VPS37B: variants seen among roughly 807,000 people sequenced by gnomAD.
The protein encoded by VPS37B is vacuolar protein sorting-associated protein 37B.
In VPS37B, 11 loss-of-function variants were observed where a neutral mutation model predicts 21.2. That is an observed-to-expected ratio of 0.52 (90% CI 0.33 to 0.86). VPS37B has a LOEUF of 0.86. Ranked by LOEUF, VPS37B falls within the 40% of genes least tolerant of loss-of-function variation. The pLI, the probability that VPS37B is intolerant of heterozygous loss-of-function variation, is 0.03. For synonymous variants in VPS37B, 175 were observed against 159.6 expected (o/e 1.10, Z -0.73); for missense variants, 389 against 374.8 (o/e 1.04, Z -0.31).
At chr12:122,871,288 G>A (rs889936091) in intron 1 of VPS37B, 14 of 1,311,128 alleles carry the variant, frequency 1.1e-5, no homozygotes, top group African/African-American at 4.5e-5. Context: ...CTTCCAGCAC[G>A]TTTCCAGGAC....
intron 1 of VPS37B, chr12:122,874,210 A>G (rs2034100217): frequency 1.3e-5 from 2 of 152,244 alleles, no homozygotes; most frequent in African/African-American, 2.4e-5. Flanking sequence ...ACCGACCGAC[A>G]TTCCAGCAGG....
At chr12:122,892,133 ATAACTT>A (rs896669038) in intron 1 of VPS37B, among the ~76,000 whole-genome samples, 55 of 152,372 alleles carry the variant, frequency 3.6e-4, no homozygotes, top group African/African-American at 1.3e-3. Context: ...CCATGTAAAA[ATAACTT>A]TAAATAAAAA....
intron 1 of VPS37B, chr12:122,888,898 T>C: frequency 3.9e-6 from 1 of 258,162 alleles, no homozygotes. Flanking sequence ...ACACTCCAAC[T>C]GCCTGCGGGA....
intron 1 of VPS37B, chr12:122,890,301 A>T (rs1200000289): frequency 6.6e-6 from 1 of 151,714 alleles, no homozygotes; most frequent in Non-Finnish European, 1.5e-5. Context: ...GAGCTTTTTC[A>T]TCTGAACTTC....
rs905610428 is a variant in VPS37B at position 122,867,768 on chromosome 12, T to C, written c.367-161A>G. Among the ~76,000 whole-genome samples, 2 of 152,140 alleles carry C rather than the reference T, an allele frequency of 1.3e-5. No homozygotes were observed. Among genetic ancestry groups the C allele is most frequent in the African/African-American group, 4.8e-5 (2 of 41,404 alleles). ...CTCCTGCTCCAGATCCCAGAGGTCA[T>C]GGGCTCAGGCTTCAGCATGAGCTGC... On this transcript the variant is annotated intron_variant, in intron 3 of 3. Transcript: ENST00000267202. The surrounding 1 kb of genome is among the most constrained non-coding windows in gnomAD (Gnocchi z 5.5).
At chr12:122,875,626 T>C (rs1457179853) in intron 1 of VPS37B, 1 of 152,038 alleles carries the variant, frequency 6.6e-6, no homozygotes, top group East Asian at 1.9e-4. Flanking sequence ...AACAACAGCT[T>C]TGTTCATTTG....
In VPS37B at chr12:122,867,715, C is replaced by A. The variant is rs979368046; in HGVS notation, c.367-108G>T. On this transcript the variant is annotated intron_variant, in intron 3 of 3. Coordinates refer to ENST00000267202, the MANE Select transcript of VPS37B (RefSeq NM_024667.3). This position sits in a 1 kb window ranked among gnomAD's most constrained non-coding sequence, Gnocchi z 5.5. ...CGCCCAGCTGCTTCCAACACTGCCC[C>A]CTCCCTGTAACCACCCAGAGGGCCT... 1 of 1,482,970 alleles carries A rather than the reference C, an allele frequency of 6.7e-7. No homozygotes were observed. The highest frequency in any genetic ancestry group is 9.2e-7 in the Non-Finnish European group (1 of 1,088,548). The allele number at this position is 1,482,970 out of a possible 1,614,324, so 91.9% of individuals were successfully genotyped here.
rs1309348351 is a variant in VPS37B, at chr12:122,871,998, CCT to C, written c.112-939_112-938del. 6.1e-6 allele frequency: 6 copies of C among 985,272 alleles called. No homozygotes were observed. In the South Asian group the frequency reaches 1.4e-4, roughly 23 times the overall value. 61.0% of individuals were successfully genotyped at this position (985,272 alleles called of 1,614,324 possible). Reference sequence around the variant, plus strand: ...TGCGATTCCTTACCCAGCGTGTGTCCCTGTTTCTCTTTAAGCAGCTCTTCTTC... The same window carrying C: ...TGCGATTCCTTACCCAGCGTGTGTCCGTTTCTCTTTAAGCAGCTCTTCTTC... On this transcript the variant is annotated intron_variant, in intron 1 of 3. Transcript: ENST00000267202.
rs1490634136 is a variant in VPS37B at position 122,888,864 on chromosome 12, G to A, written c.111+7088C>T. On this transcript the variant is annotated intron_variant, in intron 1 of 3. Transcript: ENST00000267202. The stretch of plus-strand genomic sequence containing the variant: ...GCTTGAATTTCTGTCTCCAAGCAGA[G>A]CATTCACCCTGAGCTCCAGAACCAC... 5.8e-5 allele frequency: 17 copies of A among 293,048 alleles called. No homozygotes were observed. The East Asian group carries it at 1.6e-3, about 28-fold the overall frequency. 18.2% of individuals were successfully genotyped at this position (293,048 alleles called of 1,614,324 possible). A position where few individuals can be genotyped will look rare whatever the true frequency, so the allele number is the denominator to read the frequency against.
rs373297489 is a variant in VPS37B, at chr12:122,867,392, T to C, written c.582A>G (p.Pro194=). 2.4e-6 allele frequency: 3 copies of C among 1,244,990 alleles called. No individual in the cohort carries two copies. In the African/African-American group the frequency reaches 9.6e-5, roughly 40 times the overall value. The allele number at this position is 1,244,990 out of a possible 1,614,324, so 77.1% of individuals were successfully genotyped here. The change falls in exon 4 of 4, where the codon CCA becomes CCG. Residue 194 remains proline (P), a synonymous_variant. Coordinates refer to ENST00000267202, the MANE Select transcript of VPS37B (RefSeq NM_024667.3). The surrounding 1 kb of genome is among the most constrained non-coding windows in gnomAD (Gnocchi z 5.5). ...APTAPLPYPA[P]EASGPPAVAP... is the part of the protein sequence containing the mutation. Reference sequence around the variant, plus strand: ...CAACGGCAGGAGGCCCACTGGCCTCTGGGGCAGGGTAGGGAAGGGGGGCGG... The same window carrying C: ...CAACGGCAGGAGGCCCACTGGCCTCCGGGGCAGGGTAGGGAAGGGGGGCGG...
chr12:122,868,606 G>A lies in VPS37B; in HGVS notation c.284-44C>T, dbSNP rs762876940. The A allele has an allele frequency of 1.2e-5, 19 of 1,566,036 alleles. No homozygotes were observed. The highest frequency in any genetic ancestry group is 1.7e-5 in the Non-Finnish European group (19 of 1,144,376). ...GTATGACAAAAGTGAGAGGTGTCCA[G>A]GTAAAGCCCTTCATGATGCCAACCA... On this transcript the variant is annotated intron_variant, in intron 2 of 3. Transcript: ENST00000267202. This position sits in a 1 kb window ranked among gnomAD's most constrained non-coding sequence, Gnocchi z 5.5.
chr12:122,895,235 TCATAGA>T, intron 1 of VPS37B, among the ~76,000 whole-genome samples: 1 of 151,954 alleles, frequency 6.6e-6, no homozygotes, highest in East Asian at 1.9e-4. Flanking sequence ...CAGAACCACC[TCATAGA>T]CTCAGCTACA....
chr12:122,884,507 T>C (rs1287639421), intron 1 of VPS37B: 2 of 152,234 alleles, frequency 1.3e-5, no homozygotes, highest in African/African-American at 4.8e-5. Context: ...ATCATAGAAC[T>C]ATTGTAATAA....
chr12:122,895,619 C>T (rs2034480766), intron 1 of VPS37B, among the ~76,000 whole-genome samples: 1 of 151,826 alleles, frequency 6.6e-6, no homozygotes, highest in Non-Finnish European at 1.5e-5. Context: ...AGCCTTAAGT[C>T]TTCAGACCCA....
chr12:122,885,677 A>ATTTTT (rs2034312468), intron 1 of VPS37B: 1 of 49,864 alleles, frequency 2.0e-5, no homozygotes, highest in African/African-American at 6.0e-5. Flanking sequence ...CATTATTATT[A>ATTTTT]TTATTTTTTT....
In VPS37B at chr12:122,896,077, C is replaced by A. The variant is rs757058656; in HGVS notation, c.-15G>T. The A allele has an allele frequency of 8.3e-6, 13 of 1,560,736 alleles. No homozygotes were observed. The South Asian group carries it at 1.5e-4, about 18-fold the overall frequency. ...GCGCCCGCCATCCCCACGTCTCGGC[C>A]GTCGTCGCCACCGCCGCTGCGGCCA... On this transcript the variant is annotated 5_prime_UTR_variant, in exon 1 of 4. Transcript: ENST00000267202.
chr12:122,890,837 T>C (rs910149485), intron 1 of VPS37B, among the ~76,000 whole-genome samples: 2 of 152,192 alleles, frequency 1.3e-5, no homozygotes, highest in African/African-American at 4.8e-5. Flanking sequence ...CATTTCTGTA[T>C]TTAGTTTATT....
intron 1 of VPS37B, chr12:122,877,645 C>T (rs1005803093): frequency 6.6e-6 from 1 of 152,248 alleles, no homozygotes; most frequent in Non-Finnish European, 1.5e-5. Flanking sequence ...CTGGAACGCC[C>T]TCCTATCCAA....
intron 1 of VPS37B, chr12:122,883,088 T>A (rs1321695283): frequency 6.6e-6 from 1 of 152,250 alleles, no homozygotes; most frequent in African/African-American, 2.4e-5. Flanking sequence ...TCTCCAAGGC[T>A]ACAGCCCACT....
Sources: allele counts gnomAD v4.1 joint callset (sites outside exome capture counted in the v4.1 genomes callset), GRCh38; gene constraint gnomAD v4.1.1; non-coding constraint Gnocchi (gnomAD v3.1); transcripts MANE v1.5; gene names NCBI Gene and HGNC (gene_info 2026-07-23, HGNC 2026-07-21).